The following NPAS3 variants were observed in gnomAD, a reference collection of about 807,000 sequenced individuals.
NPAS3 encodes neuronal PAS domain protein 3.
Under a neutral mutation model 73.1 loss-of-function variants are expected in NPAS3, and 14 were observed. The observed-to-expected ratio is 0.19, with a 90% CI of 0.13 to 0.30. NPAS3 has a LOEUF of 0.30. NPAS3 is among the 10% of genes least tolerant of loss of function. The pLI, the probability that NPAS3 is intolerant of heterozygous loss-of-function variation, is 1.00. For missense variants in NPAS3, 1,096 were observed against 1,250.0 expected (o/e 0.88, Z 1.86); for synonymous variants, 620 against 541.5 (o/e 1.14, Z -2.01).
At chr14:33,631,044 C>A (rs549020417) in intron 5 of NPAS3, among the ~76,000 whole-genome samples, 56 of 152,304 alleles carry the variant, frequency 3.7e-4, no homozygotes, top group Non-Finnish European at 1.8e-4. Flanking sequence ...ATAGTTCATG[C>A]ACCAAGCATC....
chr14:33,375,254 AAGAG>A (rs1430055510), intron 4 of NPAS3, among the ~76,000 whole-genome samples: 3 of 152,184 alleles, frequency 2.0e-5, no homozygotes, highest in African/African-American at 7.2e-5. Context: ...TAAATATAGA[AAGAG>A]AGAAAGTTAG....
At chr14:33,088,323 C>T (rs992401274) in intron 2 of NPAS3, among the ~76,000 whole-genome samples, 7 of 151,030 alleles carry the variant, frequency 4.6e-5, no homozygotes, top group Non-Finnish European at 8.8e-5. Context: ...ACTGGAAAAT[C>T]GGGTCACTCC....
chr14:33,688,473 G>A (rs1768330656), intron 6 of NPAS3, among the ~76,000 whole-genome samples: 1 of 152,060 alleles, frequency 6.6e-6, no homozygotes, highest in South Asian at 2.1e-4. Context: ...CTAGCTGGAT[G>A]CCACCTTCCC....
At chr14:33,291,858 G>A (rs4981183) in intron 3 of NPAS3, among the ~76,000 whole-genome samples, 40,037 of 152,120 alleles carry the variant, frequency 0.26, 5,893 homozygotes, top group African/African-American at 0.4. Flanking sequence ...GTGTCTCCAC[G>A]CCTCACTTCT....
At chr14:33,488,689 C>T (rs957581121) in intron 4 of NPAS3, among the ~76,000 whole-genome samples, 1 of 152,118 alleles carries the variant, frequency 6.6e-6, no homozygotes, top group Admixed American at 6.6e-5. Flanking sequence ...CCTGTTATGC[C>T]TATGAGTTGG....
chr14:33,285,498 A>C (rs566427542), intron 3 of NPAS3, among the ~76,000 whole-genome samples: 42 of 152,310 alleles, frequency 2.8e-4, no homozygotes, highest in African/African-American at 9.6e-4. Flanking sequence ...GCCAACAGTC[A>C]ACAACAATGA....
At chr14:33,664,921 C>T (rs892194149) in intron 5 of NPAS3, among the ~76,000 whole-genome samples, 6 of 152,142 alleles carry the variant, frequency 3.9e-5, no homozygotes, top group Non-Finnish European at 5.9e-5. Context: ...AGTGTAAACT[C>T]GTTCAACCAT....
chr14:33,539,943 A>G (rs191295996), intron 4 of NPAS3, among the ~76,000 whole-genome samples: 1 of 152,288 alleles, frequency 6.6e-6, no homozygotes, highest in East Asian at 1.9e-4. Context: ...TGACCTTTGA[A>G]CAGAGAAAGT....
intron 5 of NPAS3, among the ~76,000 whole-genome samples, chr14:33,673,344 T>C (rs2059664982): frequency 6.6e-6 from 1 of 152,192 alleles, no homozygotes; most frequent in Non-Finnish European, 1.5e-5. Context: ...ATCATACCAG[T>C]TCAAAAGATT....
At chr14:33,179,083 T>C (rs1313684447) in intron 2 of NPAS3, among the ~76,000 whole-genome samples, 3 of 152,222 alleles carry the variant, frequency 2.0e-5, no homozygotes, top group Non-Finnish European at 4.4e-5. Context: ...CACGTGTGTT[T>C]TTTTTCCCTT....
intron 2 of NPAS3, among the ~76,000 whole-genome samples, chr14:33,079,325 C>CTTTTTCTTTTT (rs2041780012): frequency 7.6e-6 from 1 of 132,300 alleles, no homozygotes; most frequent in African/African-American, 2.9e-5. Flanking sequence ...TTTCTTTTTC[C>CTTTTTCTTTTT]TTTTTTTTTT....
In NPAS3 at chr14:32,999,885, A is replaced by T. The variant is rs2038742668; in HGVS notation, c.51-56020A>T. On this transcript the variant is annotated intron_variant, in intron 1 of 11. Coordinates refer to ENST00000356141, the Ensembl canonical transcript of NPAS3. Reference sequence around the variant, plus strand: ...TACAAGTGTTGCATAGACTCTGGAGATATGAAAAGGAAAAAGATTCAGTCC... The same window carrying T: ...TACAAGTGTTGCATAGACTCTGGAGTTATGAAAAGGAAAAAGATTCAGTCC... 5.3e-5 allele frequency among the ~76,000 whole-genome samples: 8 copies of T among 152,202 alleles called. No homozygotes were observed. In the South Asian group the frequency reaches 1.2e-3, roughly 24 times the overall value.
intron 2 of NPAS3, among the ~76,000 whole-genome samples, chr14:33,196,324 T>C (rs894377833): frequency 1.3e-5 from 2 of 152,214 alleles, no homozygotes; most frequent in Non-Finnish European, 2.9e-5. Flanking sequence ...GACCTCCCAC[T>C]GATAGCATGA....
intron 4 of NPAS3, among the ~76,000 whole-genome samples, chr14:33,511,157 A>G (rs2053032415): frequency 6.6e-6 from 1 of 152,076 alleles, no homozygotes; most frequent in African/African-American, 2.4e-5. Context: ...AAATCCTCTG[A>G]GAGCAAGATC....
intron 2 of NPAS3, among the ~76,000 whole-genome samples, chr14:33,181,168 A>C (rs1183215821): frequency 6.6e-6 from 1 of 152,222 alleles, no homozygotes; most frequent in Non-Finnish European, 1.5e-5. Flanking sequence ...GATAAATCTG[A>C]AACTCCGTGC....
At chr14:33,611,294 G>A (rs1204158537) in intron 5 of NPAS3, among the ~76,000 whole-genome samples, 1 of 152,312 alleles carries the variant, frequency 6.6e-6, no homozygotes, top group South Asian at 2.1e-4. Flanking sequence ...AAGTAGGGTG[G>A]TTGTTATCTG....
At chr14:33,382,447 G>A (rs1006304873) in intron 4 of NPAS3, among the ~76,000 whole-genome samples, 2 of 152,068 alleles carry the variant, frequency 1.3e-5, no homozygotes, top group Non-Finnish European at 2.9e-5. Context: ...CACTGAGATT[G>A]CTACACATTA....
At chr14:33,407,882 C>A (rs61591865) in intron 4 of NPAS3, among the ~76,000 whole-genome samples, 104 of 152,212 alleles carry the variant, frequency 6.8e-4, no homozygotes, top group African/African-American at 2.4e-3. Context: ...GAAATGCTTA[C>A]AGCATAGGTC....
At chr14:33,022,988 T>C (rs892617276) in intron 1 of NPAS3, among the ~76,000 whole-genome samples, 18 of 152,062 alleles carry the variant, frequency 1.2e-4, no homozygotes, top group African/African-American at 3.9e-4. Context: ...AATCTAAAAC[T>C]GTTAACAGTT....
Sources: gnomAD v4.1 joint callset for allele counts (sites outside exome capture counted in the v4.1 genomes callset) on GRCh38, gnomAD v4.1.1 for gene constraint, MANE v1.5 for transcripts, NCBI Gene and HGNC (gene_info 2026-07-23, HGNC 2026-07-21) for gene names.